The following PLPP4 variants were observed in gnomAD, a reference collection of about 807,000 sequenced individuals.
PLPP4 encodes the protein diacylglycerol pyrophosphate like 2.
In PLPP4, 20 loss-of-function variants were observed where a neutral mutation model predicts 32.2. The ratio of observed to expected loss-of-function variants is 0.62; its 90% CI spans 0.44 to 0.90. The LOEUF (loss-of-function observed/expected upper bound fraction) is 0.90, where lower values mean the gene tolerates loss of function less well. Ranked by LOEUF, PLPP4 falls within the 40% of genes least tolerant of loss-of-function variation. The pLI, the probability that PLPP4 is intolerant of heterozygous loss-of-function variation, is 0.00. For missense variants in PLPP4, 257 were observed against 353.1 expected, an observed-to-expected ratio of 0.73 and a Z score of 2.18; for synonymous variants, 127 against 133.0, an observed-to-expected ratio of 0.95 and a Z score of 0.31.
At chr10:120,524,093 A>C (rs1340773999) in intron 5 of PLPP4, among the ~76,000 whole-genome samples, 1 of 152,226 alleles carries the variant, frequency 6.6e-6, no homozygotes, top group African/African-American at 2.4e-5. Flanking sequence ...GATGCTGCTT[A>C]AAATGTTACC....
At chr10:120,517,250 G>A (rs1410328733) in intron 3 of PLPP4, among the ~76,000 whole-genome samples, 5 of 152,194 alleles carry the variant, frequency 3.3e-5, no homozygotes, top group Non-Finnish European at 7.3e-5. Context: ...AGCCGTGAGC[G>A]TGGCAGGCCA....
intron 6 of PLPP4, among the ~76,000 whole-genome samples, chr10:120,576,376 C>G (rs1368469593): frequency 6.6e-6 from 1 of 152,220 alleles, no homozygotes; most frequent in East Asian, 1.9e-4. Context: ...CCTTGCAGGA[C>G]TGCCCTCTTC....
chr10:120,585,866 GTCC>G (rs1479382594), intron 6 of PLPP4, among the ~76,000 whole-genome samples: 1 of 152,112 alleles, frequency 6.6e-6, no homozygotes, highest in Non-Finnish European at 1.5e-5. Flanking sequence ...TTTCCCTGCT[GTCC>G]TCCAATCCCC....
At chr10:120,562,727 C>A (rs10886710) in intron 5 of PLPP4, among the ~76,000 whole-genome samples, 50,845 of 151,978 alleles carry the variant, frequency 0.33, 8,634 homozygotes, top group Middle Eastern at 0.4. Flanking sequence ...AATTAACCTA[C>A]CTTGGCTAAG....
chr10:120,457,417 A>G, intron 1 of PLPP4, 56 bp downstream of exon 1: 1 of 1,473,992 alleles, frequency 6.8e-7, no homozygotes, highest in Middle Eastern at 1.7e-4. Context: ...CAACCGACCA[A>G]GCCTCTCTGT....
In PLPP4 at chr10:120,529,916, C is replaced by T. The variant is rs543210536; in HGVS notation, c.445+8821C>T. Among the ~76,000 whole-genome samples the T allele has an allele frequency of 2.6e-5, 4 of 152,306 alleles. No individual in the cohort carries two copies. The South Asian group carries it at 8.3e-4, about 32-fold the overall frequency. ...CAAGTGAGCTATGATTCCATCTCTG[C>T]ACTCCAGCCTGGGCAACAGACCAAG... On this transcript the variant is annotated intron_variant, in intron 5 of 6. Transcript: ENST00000398250.
rs118035557 is a variant in PLPP4, at chr10:120,464,241, G to C, written c.56+6880G>C. Reference sequence around the variant, plus strand: ...TGTAAGAATATGTTAAAAACATATTGTATTGAAGTATAAGTTTGAACCATA... The same window carrying C: ...TGTAAGAATATGTTAAAAACATATTCTATTGAAGTATAAGTTTGAACCATA... On this transcript the variant is annotated intron_variant, in intron 1 of 6. Coordinates refer to ENST00000398250, the MANE Select transcript of PLPP4 (RefSeq NM_001030059.3). Among the ~76,000 whole-genome samples the C allele has an allele frequency of 1.6e-3, 245 of 152,332 alleles. 2 individuals are homozygous for C. Among genetic ancestry groups the C allele is most frequent in the Admixed American group, 0.011 (166 of 15,300 alleles).
At chr10:120,542,011 C>T (rs527441408) in intron 5 of PLPP4, among the ~76,000 whole-genome samples, 5 of 152,250 alleles carry the variant, frequency 3.3e-5, no homozygotes, top group Admixed American at 3.3e-4. Context: ...CTCCTGACCT[C>T]GTGATTCATT....
intron 5 of PLPP4, among the ~76,000 whole-genome samples, chr10:120,544,736 G>T (rs904534236): frequency 6.6e-6 from 1 of 152,214 alleles, no homozygotes; most frequent in Non-Finnish European, 1.5e-5. Context: ...GAACAGCACA[G>T]GCTGAGTTGT....
intron 1 of PLPP4, among the ~76,000 whole-genome samples, chr10:120,471,659 G>A (rs771718426): frequency 3.9e-4 from 60 of 151,970 alleles, no homozygotes; most frequent in Non-Finnish European, 8.4e-4. Flanking sequence ...CTCGTAAATA[G>A]CATTTAGTTA....
intron 1 of PLPP4, 58 bp downstream of exon 1, chr10:120,457,419 C>T: frequency 6.9e-7 from 1 of 1,458,580 alleles, no homozygotes; most frequent in South Asian, 1.3e-5. Flanking sequence ...ACCGACCAAG[C>T]CTCTCTGTGC....
At chr10:120,577,037 T>C (rs1849254409) in intron 6 of PLPP4, among the ~76,000 whole-genome samples, 1 of 152,238 alleles carries the variant, frequency 6.6e-6, no homozygotes, top group South Asian at 2.1e-4. Context: ...CACAGAGCTT[T>C]TCATAGATTG....
At position 120,469,216 on chromosome 10, in the gene PLPP4, C is replaced by T. The variant is rs1480105043; in HGVS notation, c.56+11855C>T. On this transcript the variant is annotated intron_variant, in intron 1 of 6. Transcript: ENST00000398250. Reference sequence around the variant, plus strand: ...AAAAGCACTATACAAAAATATACCTCGGAACTGCAACTTTTTTTTTTTTTT... The same window carrying T: ...AAAAGCACTATACAAAAATATACCTTGGAACTGCAACTTTTTTTTTTTTTT... Among the ~76,000 whole-genome samples the T allele has an allele frequency of 4.4e-5, 2 of 45,664 alleles. 1 individual carries two copies. Among genetic ancestry groups the T allele is most frequent in the Admixed American group, 6.9e-4 (2 of 2,892 alleles). 30.0% of individuals were successfully genotyped at this position (45,664 alleles called of 152,430 possible).
chr10:120,579,834 G>A (rs968276394), intron 6 of PLPP4, among the ~76,000 whole-genome samples: 3 of 151,712 alleles, frequency 2.0e-5, no homozygotes, highest in Non-Finnish European at 2.9e-5. Context: ...GGGGCCGGGC[G>A]CGGTGGCTCA....
chr10:120,459,254 C>T (rs1371309555), intron 1 of PLPP4, among the ~76,000 whole-genome samples: 1 of 152,180 alleles, frequency 6.6e-6, no homozygotes, highest in Non-Finnish European at 1.5e-5. Context: ...CACACATGGA[C>T]ATTGATAGCA....
chr10:120,518,421 C>A (rs1846019819), intron 3 of PLPP4, among the ~76,000 whole-genome samples: 1 of 152,150 alleles, frequency 6.6e-6, no homozygotes, highest in South Asian at 2.1e-4. Flanking sequence ...ATTCCAGCAG[C>A]TGCTCTGATT....
chr10:120,514,048 T>A, intron 3 of PLPP4, 47 bp downstream of exon 3: 2 of 1,349,364 alleles, frequency 1.5e-6, no homozygotes, highest in Non-Finnish European at 2.1e-6. Flanking sequence ...CTGACCTTAA[T>A]TAGATGATCA....
chr10:120,477,943 G>A (rs772926549), intron 1 of PLPP4, among the ~76,000 whole-genome samples: 32 of 152,176 alleles, frequency 2.1e-4, no homozygotes, highest in Non-Finnish European at 3.7e-4. Context: ...TAGAGGACAA[G>A]TTGAGGAGGG....
intron 5 of PLPP4, among the ~76,000 whole-genome samples, chr10:120,521,748 C>A (rs1427320622): frequency 6.6e-6 from 1 of 152,212 alleles, no homozygotes; most frequent in African/African-American, 2.4e-5. Flanking sequence ...AATAAGAATG[C>A]CTCCATTATT....
Sources: allele counts gnomAD v4.1 joint callset (sites outside exome capture counted in the v4.1 genomes callset), GRCh38; gene constraint gnomAD v4.1.1; transcripts MANE v1.5; gene names NCBI Gene and HGNC (gene_info 2026-07-23, HGNC 2026-07-21).